The following ZBTB20 variants were observed in gnomAD, a reference collection of about 807,000 sequenced individuals.
The protein encoded by ZBTB20 is zinc finger and BTB domain-containing protein 20.
ZBTB20 carries 9 observed loss-of-function variants against 56.9 expected under a neutral mutation model. The observed-to-expected ratio is 0.16, with a 90% confidence interval of 0.10 to 0.28. The LOEUF (loss-of-function observed/expected upper bound fraction) is 0.28, where lower values mean the gene tolerates loss of function less well. ZBTB20 is among the 10% of genes least tolerant of loss of function. The pLI is 1.00. For missense variants in ZBTB20, 655 were observed against 1,003.0 expected (o/e 0.65, Z 4.69); for synonymous variants, 417 against 420.7 (o/e 0.99, Z 0.11).
intron 3 of ZBTB20, among the ~76,000 whole-genome samples, chr3:114,908,359 C>A (rs948545036): frequency 6.6e-6 from 1 of 152,010 alleles, no homozygotes; most frequent in Non-Finnish European, 1.5e-5. Flanking sequence ...GGGTATTTGG[C>A]ATTACTATGA....
At chr3:114,350,182 C>T (rs1316174400) in intron 11 of ZBTB20, 92 bp downstream of exon 11, 3 of 1,503,134 alleles carry the variant, frequency 2.0e-6, no homozygotes, top group African/African-American at 2.8e-5. Flanking sequence ...GAAAGATGAT[C>T]CCAAACCTTC....
chr3:114,650,096 G>T (rs1560084724), intron 6 of ZBTB20, among the ~76,000 whole-genome samples: 1 of 151,842 alleles, frequency 6.6e-6, no homozygotes, highest in Non-Finnish European at 1.5e-5. Context: ...AAACTGAATA[G>T]ATCCTTTCAT....
At chr3:114,451,632 T>C (rs558083620) in intron 7 of ZBTB20, among the ~76,000 whole-genome samples, 1 of 151,828 alleles carries the variant, frequency 6.6e-6, no homozygotes, top group African/African-American at 2.4e-5. Flanking sequence ...GCAAAACTAG[T>C]GGGTGAGGGG....
chr3:114,514,416 G>A (rs1490180944), intron 6 of ZBTB20, among the ~76,000 whole-genome samples: 1 of 152,142 alleles, frequency 6.6e-6, no homozygotes, highest in East Asian at 1.9e-4. Flanking sequence ...TGGTTACTTT[G>A]CTAGGCTGAC....
rs966939040 is a variant in ZBTB20 at position 114,332,410 on chromosome 3, T to C, written c.*6595A>G. ...TCCTTGTTAAGGAAATGTTTAAAAC[T>C]AGTACTCCCGGGCACCTGTGATTGC... On this transcript the variant is annotated 3_prime_UTR_variant, in exon 12 of 12. Coordinates refer to ENST00000675478, the MANE Select transcript of ZBTB20 (RefSeq NM_001348800.3). The C allele has an allele frequency of 1.3e-5, 2 of 152,268 alleles. No individual in the cohort carries two copies. The highest frequency in any genetic ancestry group is 6.5e-5 in the Admixed American group (1 of 15,288). 9.4% of individuals were successfully genotyped at this position (152,268 alleles called of 1,614,324 possible).
intron 4 of ZBTB20, among the ~76,000 whole-genome samples, chr3:114,898,437 T>C (rs745395513): frequency 1.3e-5 from 2 of 152,268 alleles, no homozygotes; most frequent in Middle Eastern, 6.8e-3. Flanking sequence ...TATACATTAA[T>C]TTCTCATTTT....
At chr3:114,966,758 A>T (rs1421382712) in intron 3 of ZBTB20, among the ~76,000 whole-genome samples, 1 of 145,720 alleles carries the variant, frequency 6.9e-6, no homozygotes, top group Non-Finnish European at 1.5e-5. Flanking sequence ...TCTGTTAAAA[A>T]CAAGCCACTC....
intron 6 of ZBTB20, among the ~76,000 whole-genome samples, chr3:114,649,557 A>G (rs1319774497): frequency 6.6e-6 from 1 of 151,862 alleles, no homozygotes; most frequent in African/African-American, 2.4e-5. Context: ...TTCCTCTTTT[A>G]GGGGGTCATA....
intron 10 of ZBTB20, among the ~76,000 whole-genome samples, chr3:114,371,740 T>A (rs749556713): frequency 6.6e-6 from 1 of 152,204 alleles, no homozygotes; most frequent in Non-Finnish European, 1.5e-5. Context: ...ACTCTGTCAT[T>A]CATTATGCTG....
intron 5 of ZBTB20, among the ~76,000 whole-genome samples, chr3:114,752,881 T>C (rs2067674895): frequency 6.6e-6 from 1 of 152,124 alleles, no homozygotes; most frequent in Non-Finnish European, 1.5e-5. Context: ...GCTCTAAGCA[T>C]CTTGAGTGCC....
chr3:114,372,369 G>A (rs2083120243), intron 10 of ZBTB20, among the ~76,000 whole-genome samples: 1 of 152,188 alleles, frequency 6.6e-6, no homozygotes, highest in South Asian at 2.1e-4. Flanking sequence ...ATATGACACA[G>A]TGTAACTTGA....
chr3:114,939,253 A>G (rs1371106072), intron 3 of ZBTB20, among the ~76,000 whole-genome samples: 3 of 146,546 alleles, frequency 2.0e-5, no homozygotes, highest in Non-Finnish European at 4.4e-5. Flanking sequence ...TTTATGAACA[A>G]AGATGCTCAT....
rs377123664 is a variant in ZBTB20 at position 114,576,479 on chromosome 3, G to A, written c.-294-76088C>T. On this transcript the variant is annotated intron_variant, in intron 6 of 11. Transcript: ENST00000675478. ...ATCGCGCCGCTGCACTCCAGCCTGG[G>A]TGACAGAGCAAGACTCCGTCTCAAA... Among the ~76,000 whole-genome samples the A allele has an allele frequency of 8.9e-3, 942 of 105,926 alleles. 9 individuals are homozygous for A. Among genetic ancestry groups the A allele is most frequent in the African/African-American group, 0.033 (897 of 27,406 alleles). 69.5% of individuals were successfully genotyped at this position (105,926 alleles called of 152,430 possible).
chr3:114,684,704 A>G (rs1221040577), intron 6 of ZBTB20: 1 of 152,174 alleles, frequency 6.6e-6, no homozygotes. Flanking sequence ...AAGGATAAAC[A>G]ATGGATACTT....
intron 6 of ZBTB20, among the ~76,000 whole-genome samples, chr3:114,604,197 A>G (rs949141709): frequency 1.3e-5 from 2 of 152,110 alleles, no homozygotes; most frequent in Admixed American, 6.6e-5. Context: ...CAAAACTATA[A>G]AAGAGATTAA....
intron 7 of ZBTB20, among the ~76,000 whole-genome samples, chr3:114,491,805 T>C (rs2042785503): frequency 1.3e-5 from 2 of 152,204 alleles, no homozygotes; most frequent in South Asian, 2.1e-4. Flanking sequence ...CTTTCCTTCA[T>C]AGCAAAACTT....
At chr3:114,497,774 G>A (rs1383712219) in intron 7 of ZBTB20, among the ~76,000 whole-genome samples, 2 of 152,172 alleles carry the variant, frequency 1.3e-5, no homozygotes, top group Admixed American at 1.3e-4. Context: ...CCAGAACCAA[G>A]CACAGTGACT....
intron 7 of ZBTB20, among the ~76,000 whole-genome samples, chr3:114,399,529 G>A (rs1291308723): frequency 6.6e-6 from 1 of 152,066 alleles, no homozygotes; most frequent in African/African-American, 2.4e-5. Flanking sequence ...TTTTTAAATT[G>A]GAATTTTTAT....
At chr3:114,683,503 G>GT (rs1247033187) in intron 6 of ZBTB20, among the ~76,000 whole-genome samples, 1 of 152,136 alleles carries the variant, frequency 6.6e-6, no homozygotes, top group African/African-American at 2.4e-5. Flanking sequence ...AGTACAGGCA[G>GT]TAACTTAGAA....
Sources: gnomAD v4.1 joint callset for allele counts (sites outside exome capture counted in the v4.1 genomes callset) on GRCh38, gnomAD v4.1.1 for gene constraint, MANE v1.5 for transcripts, NCBI Gene and HGNC (gene_info 2026-07-23, HGNC 2026-07-21) for gene names.